The following CNNM2 variants were observed in gnomAD, a reference collection of about 807,000 sequenced individuals.
CNNM2 encodes the protein cyclin and CBS domain divalent metal cation transport mediator 2.
CNNM2 carries 12 observed loss-of-function variants against 66.9 expected under a neutral mutation model. The ratio of observed to expected loss-of-function variants is 0.18; its 90% CI spans 0.11 to 0.29. The LOEUF (loss-of-function observed/expected upper bound fraction) is 0.29, where lower values mean the gene tolerates loss of function less well. Ranked by LOEUF, CNNM2 falls within the 10% of genes least tolerant of loss-of-function variation. The pLI, the probability that CNNM2 is intolerant of heterozygous loss-of-function variation, is 1.00. For missense variants in CNNM2, 705 were observed against 1,167.7 expected (o/e 0.60, Z 5.77); for synonymous variants, 557 against 501.8 (o/e 1.11, Z -1.47).
chr10:103,087,082 G>GA lies in CNNM2; in HGVS notation c.*9908dup, dbSNP rs2065825018. The GA allele has an allele frequency of 6.9e-6, 1 of 144,808 alleles. No homozygotes were observed. Among genetic ancestry groups the GA allele is most frequent in the Non-Finnish European group, 1.5e-5 (1 of 66,756 alleles). 9.0% of individuals were successfully genotyped at this position (144,808 alleles called of 1,614,324 possible). A position where few individuals can be genotyped will look rare whatever the true frequency, so the allele number is the denominator to read the frequency against. On this transcript the variant is annotated 3_prime_UTR_variant, in exon 8 of 8. Transcript: ENST00000369878. Reference sequence around the variant, plus strand: ...CCTATAGTGTTTTCAAAATGCCTGGGAAAAAATTCTCAAAAGAAGTGGCAG... The same window carrying GA: ...CCTATAGTGTTTTCAAAATGCCTGGGAAAAAAATTCTCAAAAGAAGTGGCAG...
intron 1 of CNNM2, among the ~76,000 whole-genome samples, chr10:102,954,435 C>G (rs1846960544): frequency 6.6e-6 from 1 of 152,048 alleles, no homozygotes; most frequent in African/African-American, 2.4e-5. Flanking sequence ...TTTCAATAGT[C>G]ATATTTAATA....
chr10:102,992,132 GA>G, intron 1 of CNNM2, among the ~76,000 whole-genome samples: 1 of 152,192 alleles, frequency 6.6e-6, no homozygotes, highest in East Asian at 1.9e-4. Flanking sequence ...TATAAACTTA[GA>G]CTAAGCTTTC....
At chr10:102,998,629 T>C (rs2064048559) in intron 1 of CNNM2, among the ~76,000 whole-genome samples, 1 of 152,160 alleles carries the variant, frequency 6.6e-6, no homozygotes, top group Non-Finnish European at 1.5e-5. Flanking sequence ...CATAAAACTT[T>C]ATTCACAGGT....
At position 103,084,964 on chromosome 10, in the gene CNNM2, G is replaced by A. The variant is rs1017312969; in HGVS notation, c.*7784G>A. ...GATAATAAACTCTTTTGCTTTCTTT[G>A]TATGGTGGTTTTGTCATTTTCCCTC... is the stretch of plus-strand genomic sequence containing the variant. On this transcript the variant is annotated 3_prime_UTR_variant, in exon 8 of 8. Coordinates refer to ENST00000369878, the MANE Select transcript of CNNM2 (RefSeq NM_017649.5). 7 of 152,188 alleles carry A rather than the reference G, an allele frequency of 4.6e-5. No individual in the cohort carries two copies. Among genetic ancestry groups the A allele is most frequent in the Admixed American group, 2.0e-4 (3 of 15,284 alleles). The allele number at this position is 152,188 out of a possible 1,614,324, so 9.4% of individuals were successfully genotyped here.
chr10:103,017,590 G>A (rs997211696), intron 1 of CNNM2, among the ~76,000 whole-genome samples: 1 of 152,164 alleles, frequency 6.6e-6, no homozygotes, highest in Non-Finnish European at 1.5e-5. Flanking sequence ...GTGAGGAATT[G>A]CTTTCCAGAA....
chr10:103,072,924 A>G (rs796530466), intron 6 of CNNM2, among the ~76,000 whole-genome samples: 22 of 152,338 alleles, frequency 1.4e-4, no homozygotes, highest in African/African-American at 4.6e-4. Context: ...TGTATGTAAC[A>G]TGGGGTGTAT....
chr10:102,956,212 C>T (rs993690300), intron 1 of CNNM2, among the ~76,000 whole-genome samples: 7 of 147,932 alleles, frequency 4.7e-5, no homozygotes, highest in African/African-American at 1.7e-4. Flanking sequence ...GGCGTGAACC[C>T]AGGAGGCGGA....
intron 2 of CNNM2, among the ~76,000 whole-genome samples, chr10:103,052,740 C>G (rs1275053633): frequency 6.6e-6 from 1 of 152,180 alleles, no homozygotes; most frequent in East Asian, 1.9e-4. Flanking sequence ...TCTCGAACTC[C>G]TGACCTCAAG....
At chr10:103,028,597 A>C (rs186463780) in intron 1 of CNNM2, among the ~76,000 whole-genome samples, 21 of 152,166 alleles carry the variant, frequency 1.4e-4, no homozygotes, top group African/African-American at 3.4e-4. Flanking sequence ...TTTATGTACA[A>C]GGCCTTAGAT....
chr10:102,926,311 C>G (rs553999792), intron 1 of CNNM2, among the ~76,000 whole-genome samples: 1 of 152,030 alleles, frequency 6.6e-6, no homozygotes, highest in Non-Finnish European at 1.5e-5. Flanking sequence ...GAGGAGAGAC[C>G]CTAGTTAAAT....
At chr10:102,948,117 CTA>C (rs1846687542) in intron 1 of CNNM2, among the ~76,000 whole-genome samples, 1 of 152,156 alleles carries the variant, frequency 6.6e-6, no homozygotes, top group Non-Finnish European at 1.5e-5. Flanking sequence ...TTGTAATTTT[CTA>C]TTATCAGGTT....
chr10:102,949,628 A>G (rs1234452837), intron 1 of CNNM2, among the ~76,000 whole-genome samples: 1 of 152,044 alleles, frequency 6.6e-6, no homozygotes, highest in Non-Finnish European at 1.5e-5. Context: ...TACTGAGAAA[A>G]TACTAAAAAT....
At chr10:102,949,115 T>G (rs993510776) in intron 1 of CNNM2, among the ~76,000 whole-genome samples, 1 of 152,188 alleles carries the variant, frequency 6.6e-6, no homozygotes, top group African/African-American at 2.4e-5. Flanking sequence ...GCATTAAAGC[T>G]AAATTTAGGC....
At chr10:103,063,360 C>T (rs1590486572) in intron 4 of CNNM2, among the ~76,000 whole-genome samples, 2 of 152,248 alleles carry the variant, frequency 1.3e-5, no homozygotes, top group East Asian at 1.9e-4. Flanking sequence ...AGGAGTCAGG[C>T]CCCCCTGAAT....
intron 1 of CNNM2, among the ~76,000 whole-genome samples, chr10:102,956,493 T>C (rs1161878866): frequency 6.6e-6 from 1 of 152,138 alleles, no homozygotes; most frequent in Non-Finnish European, 1.5e-5. Flanking sequence ...GGATTATAAA[T>C]CATGCTACTA....
chr10:103,063,691 CCTT>C (rs908101951), intron 4 of CNNM2, among the ~76,000 whole-genome samples: 12 of 152,214 alleles, frequency 7.9e-5, no homozygotes, highest in African/African-American at 2.9e-4. Flanking sequence ...TCCAGTGAGT[CCTT>C]CTTCCAAGTT....
intron 7 of CNNM2, 112 bp downstream of exon 7, chr10:103,076,382 TG>T: frequency 9.4e-7 from 1 of 1,063,370 alleles, no homozygotes; most frequent in East Asian, 2.6e-5. Context: ...TGTCACTTTG[TG>T]GGTGCCCTGC....
In CNNM2 at chr10:103,079,906, C is replaced by G. The variant is rs1173808668; in HGVS notation, c.*2726C>G. 2.0e-5 allele frequency: 3 copies of G among 152,208 alleles called. No individual in the cohort carries two copies. The highest frequency in any genetic ancestry group is 1.3e-4 in the Admixed American group (2 of 15,282). The allele number at this position is 152,208 out of a possible 1,614,324, so 9.4% of individuals were successfully genotyped here. Reference sequence around the variant, plus strand: ...CAGGCCCCATTTTCCCTCAGGAAACCAACCTCTCAGATGGTTGGAGGAGAA... The same window carrying G: ...CAGGCCCCATTTTCCCTCAGGAAACGAACCTCTCAGATGGTTGGAGGAGAA... On this transcript the variant is annotated 3_prime_UTR_variant, in exon 8 of 8. Coordinates refer to ENST00000369878, the MANE Select transcript of CNNM2 (RefSeq NM_017649.5).
At chr10:102,986,346 C>T (rs202195571) in intron 1 of CNNM2, among the ~76,000 whole-genome samples, 1 of 151,306 alleles carries the variant, frequency 6.6e-6, no homozygotes, top group Non-Finnish European at 1.5e-5. Flanking sequence ...CTCTGCCTCC[C>T]GGGTTCAAGT....
Sources: gnomAD v4.1 joint callset for allele counts (sites outside exome capture counted in the v4.1 genomes callset) on GRCh38, gnomAD v4.1.1 for gene constraint, MANE v1.5 for transcripts, NCBI Gene and HGNC (gene_info 2026-07-23, HGNC 2026-07-21) for gene names.